The following CIAO1 variants were observed in gnomAD, a reference collection of about 807,000 sequenced individuals.
The protein encoded by CIAO1 is cytosolic iron-sulfur assembly component 1.
CIAO1 carries 32 observed loss-of-function variants against 43.1 expected under a neutral mutation model. The observed-to-expected ratio is 0.74, with a 90% CI of 0.56 to 1.00. The LOEUF is 1.00. Ranked by LOEUF, CIAO1 falls within the 50% of genes least tolerant of loss-of-function variation. The pLI, the probability that CIAO1 is intolerant of heterozygous loss-of-function variation, is 0.00. For missense variants in CIAO1, 415 were observed against 437.4 expected (o/e 0.95, Z 0.46); for synonymous variants, 183 against 171.4 (o/e 1.07, Z -0.53).
intron 6 of CIAO1, among the ~76,000 whole-genome samples, chr2:96,270,504 A>G (rs943233922): frequency 7.2e-6 from 1 of 138,714 alleles, no homozygotes; most frequent in Non-Finnish European, 1.6e-5. Flanking sequence ...CCATCTAAAG[A>G]AAAAAAAAAA....
intron 6 of CIAO1, among the ~76,000 whole-genome samples, chr2:96,270,473 G>T (rs1188096383): frequency 6.6e-6 from 1 of 150,908 alleles, no homozygotes; most frequent in Non-Finnish European, 1.5e-5. Flanking sequence ...CTGCACTCCA[G>T]CCTGGTGATG....
rs1389751335 is a variant in CIAO1 at position 96,273,612 on chromosome 2, G to A, written c.*2261G>A. Reference sequence around the variant, plus strand: ...CGGGAGGTGGAGGTTGCAGTGAGTCGAGATCGTGCCACTGGACTCCAGCCT... The same window carrying A: ...CGGGAGGTGGAGGTTGCAGTGAGTCAAGATCGTGCCACTGGACTCCAGCCT... On this transcript the variant is annotated 3_prime_UTR_variant, in exon 7 of 7. Coordinates refer to ENST00000488633, the MANE Select transcript of CIAO1 (RefSeq NM_004804.3). Among the ~76,000 whole-genome samples, 2 of 144,084 alleles carry A rather than the reference G, an allele frequency of 1.4e-5. No homozygotes were observed. Among genetic ancestry groups the A allele is most frequent in the Non-Finnish European group, 3.0e-5 (2 of 67,194 alleles). The allele number at this position is 144,084 out of a possible 152,430, so 94.5% of individuals were successfully genotyped here.
Position 96,271,334 on chromosome 2 carries a change from C to T in CIAO1, c.1003C>T (p.Arg335Trp), listed in dbSNP as rs139155173. ...DGEVAFWKYQ[R>W]PEGL ...GGAGGTGGCCTTCTGGAAGTATCAG[C>T]GGCCTGAAGGCCTCTGAGCTACCTC... The change falls in exon 7 of 7, where the codon CGG (arginine) becomes TGG (tryptophan). Residue 335 changes from arginine (R) to tryptophan (W), a missense_variant. Physicochemically the swap from Arg to Trp is moderately radical, Grantham distance 101 (BLOSUM62 -3). Coordinates refer to ENST00000488633, the MANE Select transcript of CIAO1 (RefSeq NM_004804.3). 2.4e-5 allele frequency: 38 copies of T among 1,613,848 alleles called. No individual in the cohort carries two copies. Among genetic ancestry groups the T allele is most frequent in the Non-Finnish European group, 2.1e-5 (25 of 1,180,018 alleles).
intron 5 of CIAO1, 146 bp downstream of exon 5, chr2:96,268,804 A>G: frequency 4.1e-6 from 3 of 730,772 alleles, no homozygotes; most frequent in African/African-American, 1.8e-5. Context: ...AAGAATCAGG[A>G]AAGTTTTGTA....
Position 96,271,633 on chromosome 2 carries a change from T to G in CIAO1, c.*282T>G. On this transcript the variant is annotated 3_prime_UTR_variant, in exon 7 of 7. Coordinates refer to ENST00000488633, the MANE Select transcript of CIAO1 (RefSeq NM_004804.3). ...ATTTTTTGGAGGTAAATATACTATT[T>G]ATAATCACTATATATAGTAGGAGGG... 5.4e-6 allele frequency: 2 copies of G among 373,158 alleles called. No individual in the cohort carries two copies. Among genetic ancestry groups the G allele is most frequent in the Non-Finnish European group, 1.0e-5 (2 of 200,500 alleles). The allele number at this position is 373,158 out of a possible 1,614,324, so 23.1% of individuals were successfully genotyped here.
chr2:96,270,377 C>T (rs369230133), intron 6 of CIAO1, among the ~76,000 whole-genome samples: 12 of 152,246 alleles, frequency 7.9e-5, no homozygotes, highest in African/African-American at 2.9e-4. Context: ...TGTTGGCACG[C>T]ACCCAATCCC....
chr2:96,266,530 C>T, intron 1 of CIAO1, 41 bp downstream of exon 1: 4 of 1,385,140 alleles, frequency 2.9e-6, no homozygotes, highest in Non-Finnish European at 3.8e-6. Context: ...GCGCTGAGGG[C>T]TCAGCCTGCG....
At position 96,266,238 on chromosome 2, in the gene CIAO1, G is replaced by T. The variant is rs569518818; in HGVS notation, c.-113G>T. On this transcript the variant is annotated 5_prime_UTR_variant, in exon 1 of 7. Coordinates refer to ENST00000488633, the MANE Select transcript of CIAO1 (RefSeq NM_004804.3). ...CCCAGGTCCTCCGGCGGAAGCGGGA[G>T]CCTCTGTCGGCCGCGGAAGCCTGGA... 3.4e-6 allele frequency: 4 copies of T among 1,188,484 alleles called. No homozygotes were observed. The highest frequency in any genetic ancestry group is 4.1e-5 in the Admixed American group (1 of 24,386). 73.6% of individuals were successfully genotyped at this position (1,188,484 alleles called of 1,614,324 possible). A position where few individuals can be genotyped will look rare whatever the true frequency, so the allele number is the denominator to read the frequency against.
chr2:96,272,139 G>C lies in CIAO1; in HGVS notation c.*788G>C, dbSNP rs1684563843. On this transcript the variant is annotated 3_prime_UTR_variant, in exon 7 of 7. Transcript: ENST00000488633. ...ATATTCCATTTTCATGGCAGGGAGT[G>C]ATCAGGAAGAAGGCTTCCTAGGGGA... The C allele has an allele frequency of 6.6e-6, 1 of 152,214 alleles. No homozygotes were observed. Among genetic ancestry groups the C allele is most frequent in the African/African-American group, 2.4e-5 (1 of 41,450 alleles). 9.4% of individuals were successfully genotyped at this position (152,214 alleles called of 1,614,324 possible).
rs141227527 is a variant in CIAO1 at position 96,268,891 on chromosome 2, AAACTC to A, written c.691+237_691+241del. On this transcript the variant is annotated intron_variant, in intron 5 of 6. Coordinates refer to ENST00000488633, the MANE Select transcript of CIAO1 (RefSeq NM_004804.3). ...GAATTTCACGTGAGAATTCAAGTGA[AAACTC>A]AACAGTGTGAGTAAAGATAACAATG... The A allele has an allele frequency of 2.8e-3, 1,630 of 575,640 alleles. 16 individuals carry two copies. The highest frequency in any genetic ancestry group is 0.028 in the African/African-American group (1,485 of 53,590). 35.7% of individuals were successfully genotyped at this position (575,640 alleles called of 1,614,324 possible). A position where few individuals can be genotyped will look rare whatever the true frequency, so the allele number is the denominator to read the frequency against.
Position 96,266,286 on chromosome 2 carries a change from C to T in CIAO1, c.-65C>T, listed in dbSNP as rs1267894834. 24 of 1,302,002 alleles carry T rather than the reference C, an allele frequency of 1.8e-5. No individual in the cohort carries two copies. The highest frequency in any genetic ancestry group is 2.1e-5 in the Non-Finnish European group (21 of 1,016,858). 80.7% of individuals were successfully genotyped at this position (1,302,002 alleles called of 1,614,324 possible). ...GGAGTGGGCGGTACGCAGACGCGCGCGGTGAGACCCGCTGTCTGCTCAGCG... is the reference window on the plus strand; with the variant it reads ...GGAGTGGGCGGTACGCAGACGCGCGTGGTGAGACCCGCTGTCTGCTCAGCG... On this transcript the variant is annotated 5_prime_UTR_variant, in exon 1 of 7. Transcript: ENST00000488633.
chr2:96,272,841 T>G lies in CIAO1; in HGVS notation c.*1490T>G, dbSNP rs1310681205. The G allele has an allele frequency of 6.6e-6, 1 of 152,084 alleles. No homozygotes were observed. The highest frequency in any genetic ancestry group is 2.4e-5 in the African/African-American group (1 of 41,392). The allele number at this position is 152,084 out of a possible 1,614,324, so 9.4% of individuals were successfully genotyped here. Reference sequence around the variant, plus strand: ...GAAAAAAAAAGTTGACCTTGAGAATTTATAATATTCTGAGAAAACTGGAAG... The same window carrying G: ...GAAAAAAAAAGTTGACCTTGAGAATGTATAATATTCTGAGAAAACTGGAAG... On this transcript the variant is annotated 3_prime_UTR_variant, in exon 7 of 7. Transcript: ENST00000488633.
chr2:96,267,026 C>A (rs2104313423), intron 1 of CIAO1, among the ~76,000 whole-genome samples: 1 of 146,132 alleles, frequency 6.8e-6, no homozygotes, highest in Non-Finnish European at 1.5e-5. Flanking sequence ...CCCAGCTACT[C>A]GGGAGGCTGA....
chr2:96,267,726 G>C lies in CIAO1; in HGVS notation c.390G>C (p.Trp130Cys). 1 of 1,614,146 alleles carries C rather than the reference G, an allele frequency of 6.2e-7. No individual in the cohort carries two copies. Among genetic ancestry groups the C allele is most frequent in the Non-Finnish European group, 8.5e-7 (1 of 1,180,022 alleles). ...CTTGCAGCCGAGATAAGAGCGTTTG[G>C]GTCTGGGAAGGTGAGGCCAGGTCCC... ...LATCSRDKSV[W>C]VWEVDEEDEY... is the part of the protein sequence containing the mutation. Residue 130 changes from tryptophan to cysteine, a missense_variant, in exon 3 of 7, where the codon TGG (tryptophan) becomes TGC (cysteine). Coordinates refer to ENST00000488633, the MANE Select transcript of CIAO1 (RefSeq NM_004804.3).
rs1684502695 is a variant in CIAO1 at position 96,269,374 on chromosome 2, A to C, written c.779+19A>C. 8 of 1,597,326 alleles carry C rather than the reference A, an allele frequency of 5.0e-6. No homozygotes were observed. Among genetic ancestry groups the C allele is most frequent in the Non-Finnish European group, 6.0e-6 (7 of 1,165,146 alleles). On this transcript the variant is annotated intron_variant, in intron 6 of 6. Coordinates refer to ENST00000488633, the MANE Select transcript of CIAO1 (RefSeq NM_004804.3). ...TTGCTTGGTAAGACTCCATCCCCCC[A>C]CCCCATCCCATCCCCATAAATCAGG...
At chr2:96,268,693 C>T in intron 5 of CIAO1, 35 bp downstream of exon 5, 1 of 1,604,812 alleles carries the variant, frequency 6.2e-7, no homozygotes, top group Non-Finnish European at 8.5e-7. Flanking sequence ...GAAGACCCAT[C>T]TCTCAAGGGG....
At chr2:96,267,552 T>G (rs900505107) in intron 2 of CIAO1, 73 bp from the exon 3 acceptor site, 52 of 1,608,774 alleles carry the variant, frequency 3.2e-5, no homozygotes, top group Non-Finnish European at 4.4e-5. Flanking sequence ...CTGCGCCAGT[T>G]GGGCTGTACC....
chr2:96,271,031 G>A, intron 6 of CIAO1, 80 bp from the exon 7 acceptor site: 1 of 1,560,270 alleles, frequency 6.4e-7, no homozygotes, highest in South Asian at 1.2e-5. Context: ...AGTTAGGGAA[G>A]AGAACAGGCC....
chr2:96,271,608 A>C lies in CIAO1; in HGVS notation c.*257A>C. On this transcript the variant is annotated 3_prime_UTR_variant, in exon 7 of 7. Transcript: ENST00000488633. Reference sequence around the variant, plus strand: ...TTCTTGCATTAGGGCACAGTGTTAAATTTTTTGGAGGTAAATATACTATTT... The same window carrying C: ...TTCTTGCATTAGGGCACAGTGTTAACTTTTTTGGAGGTAAATATACTATTT... 1 of 454,812 alleles carries C rather than the reference A, an allele frequency of 2.2e-6. No individual in the cohort carries two copies. The allele number at this position is 454,812 out of a possible 1,614,324, so 28.2% of individuals were successfully genotyped here.
Sources: gnomAD v4.1 joint callset for allele counts (sites outside exome capture counted in the v4.1 genomes callset) on GRCh38, gnomAD v4.1.1 for gene constraint, MANE v1.5 for transcripts, NCBI Gene and HGNC (gene_info 2026-07-23, HGNC 2026-07-21) for gene names.